The following CIROP variants were observed in gnomAD, a reference collection of about 807,000 sequenced individuals.
CIROP encodes the protein leishmanolysin homolog.
chr14:23,103,500 G>C, the CIROP span: 1 of 570,068 alleles, frequency 1.8e-6, no homozygotes, highest in Admixed American at 3.1e-5. Flanking sequence ...GCTGCGGTGA[G>C]CTGTGATTGG....
At chr14:23,104,231 A>G in the CIROP span, 1 of 642,780 alleles carries the variant, frequency 1.6e-6, no homozygotes, top group Non-Finnish European at 2.8e-6. Context: ...AGTGTTGTTG[A>G]CTCAATCTCA....
the CIROP span, chr14:23,102,792 A>G: frequency 1.0e-5 from 7 of 693,810 alleles, no homozygotes; most frequent in East Asian, 2.7e-5. Flanking sequence ...CCTCTGCCCA[A>G]TCAGCTCTTC....
the CIROP span, chr14:23,104,734 G>T: frequency 4.3e-6 from 3 of 702,896 alleles, no homozygotes; most frequent in Admixed American, 2.0e-5. Context: ...CTTTGGATTC[G>T]TAGGGGTTGA....
the CIROP span, chr14:23,102,758 G>A: frequency 1.4e-6 from 1 of 702,674 alleles, no homozygotes; most frequent in Non-Finnish European, 2.6e-6. Context: ...ATTTGCAGCA[G>A]GATTGACCAA....
the CIROP span, chr14:23,104,650 C>T: frequency 7.1e-6 from 5 of 702,940 alleles, no homozygotes; most frequent in Non-Finnish European, 1.3e-5. Flanking sequence ...GCGGCCAGGG[C>T]TCGGGATCCC....
the CIROP span, chr14:23,104,533 C>T: frequency 2.8e-6 from 2 of 702,606 alleles, no homozygotes; most frequent in Admixed American, 4.0e-5. Context: ...TCTTTCTGGG[C>T]TGATCTTCCT....
the CIROP span, chr14:23,099,262 CTG>C: frequency 2.4e-6 from 1 of 413,492 alleles, no homozygotes; most frequent in Non-Finnish European, 4.4e-6. Flanking sequence ...TCCTTACCCC[CTG>C]TCATGTTCTG....
chr14:23,103,800 G>A, the CIROP span: 2 of 702,806 alleles, frequency 2.8e-6, no homozygotes, highest in South Asian at 1.5e-5. Context: ...GCATAACCGC[G>A]AAGATGGGTG....
the CIROP span, chr14:23,099,718 C>T: frequency 1.5e-5 from 5 of 322,996 alleles, no homozygotes; most frequent in Non-Finnish European, 2.9e-5. Flanking sequence ...CGCCGCACCA[C>T]CACGTCTGGC....
the CIROP span, chr14:23,103,381 C>T: frequency 3.1e-5 from 12 of 384,140 alleles, no homozygotes; most frequent in Non-Finnish European, 5.1e-5. Flanking sequence ...AAAACCCCGT[C>T]TCTACAAAAA....
At chr14:23,102,344 C>T in the CIROP span, 1 of 701,918 alleles carries the variant, frequency 1.4e-6, no homozygotes, top group Non-Finnish European at 2.6e-6. Context: ...TCATTCTCAC[C>T]TCTTCTTCCA....
the CIROP span, chr14:23,104,939 C>A: frequency 1.5e-6 from 1 of 678,746 alleles, no homozygotes; most frequent in East Asian, 2.7e-5. Context: ...TGTGTCTCTC[C>A]GTAGATACAG....
At chr14:23,104,954 G>A in the CIROP span, 8 of 662,592 alleles carry the variant, frequency 1.2e-5, no homozygotes, top group African/African-American at 1.2e-4. Context: ...ATACAGCCTG[G>A]ATCCTGTCTT....
At chr14:23,103,753 C>T in the CIROP span, 3 of 703,038 alleles carry the variant, frequency 4.3e-6, no homozygotes, top group Non-Finnish European at 7.8e-6. Flanking sequence ...GCCCATCTGG[C>T]TGGACCAGTT....
At chr14:23,104,782 G>A in the CIROP span, 9 of 702,892 alleles carry the variant, frequency 1.3e-5, no homozygotes, top group South Asian at 4.4e-5. Flanking sequence ...GAGGAAGAGC[G>A]AGATTTTGAG....
the CIROP span, chr14:23,101,759 C>T: frequency 2.8e-6 from 2 of 702,910 alleles, no homozygotes; most frequent in East Asian, 2.7e-5. Context: ...AGTGGCAGCC[C>T]AGCCCACTGT....
At chr14:23,102,211 GT>G in the CIROP span, 3 of 702,920 alleles carry the variant, frequency 4.3e-6, no homozygotes, top group Non-Finnish European at 7.8e-6. Context: ...AAAGGTAGCA[GT>G]CATTAAAGAA....
chr14:23,100,578 C>T, the CIROP span: 1 of 404,772 alleles, frequency 2.5e-6, no homozygotes, highest in Non-Finnish European at 4.4e-6. Context: ...AGAGTCAGGG[C>T]CTTGTGCAGT....
chr14:23,104,734 G>A, the CIROP span: 6 of 702,896 alleles, frequency 8.5e-6, no homozygotes, highest in African/African-American at 5.2e-5. Context: ...CTTTGGATTC[G>A]TAGGGGTTGA....
Sources: gnomAD v4.1 joint callset for allele counts on GRCh38, gnomAD v4.1.1 for gene constraint, MANE v1.5 for transcripts, NCBI Gene and HGNC (gene_info 2026-07-23, HGNC 2026-07-21) for gene names.